NLGN1: variants seen among roughly 807,000 people sequenced by gnomAD.
The protein encoded by NLGN1 is neuroligin-1.
In NLGN1, 12 loss-of-function variants were observed where a neutral mutation model predicts 65.5. That is an observed-to-expected ratio of 0.18 (90% CI 0.12 to 0.30). NLGN1 has a LOEUF of 0.30. NLGN1 is among the 10% of genes least tolerant of loss of function. NLGN1 has a pLI of 1.00. For synonymous variants in NLGN1, 350 were observed against 359.5 expected (o/e 0.97, Z 0.30); for missense variants, 750 against 1,007.1 (o/e 0.74, Z 3.46).
At chr3:173,942,240 T>C (rs1169367416) in intron 4 of NLGN1, among the ~76,000 whole-genome samples, 2 of 151,944 alleles carry the variant, frequency 1.3e-5, no homozygotes, top group African/African-American at 4.8e-5. Context: ...ATTCTGGGCA[T>C]CTTATAATAA....
chr3:174,101,260 C>T (rs1282940825), intron 4 of NLGN1, among the ~76,000 whole-genome samples: 5 of 152,064 alleles, frequency 3.3e-5, no homozygotes, highest in Admixed American at 2.0e-4. Flanking sequence ...TTACTTCGGA[C>T]GAGGATTCAT....
chr3:173,641,850 CTGT>C (rs1757465652), intron 3 of NLGN1, among the ~76,000 whole-genome samples: 1 of 152,112 alleles, frequency 6.6e-6, no homozygotes, highest in South Asian at 2.1e-4. Flanking sequence ...CAGCTATGCT[CTGT>C]TGTTTACATA....
At chr3:173,502,647 A>T (rs1731337078) in intron 2 of NLGN1, among the ~76,000 whole-genome samples, 1 of 152,166 alleles carries the variant, frequency 6.6e-6, no homozygotes, top group African/African-American at 2.4e-5. Flanking sequence ...AATACTTGTT[A>T]TATGAAATTA....
intron 4 of NLGN1, among the ~76,000 whole-genome samples, chr3:174,079,816 A>T (rs1178647901): frequency 1.3e-5 from 2 of 152,168 alleles, no homozygotes; most frequent in Non-Finnish European, 2.9e-5. Context: ...GTTCTCACTT[A>T]TAAGTGGCAG....
intron 3 of NLGN1, among the ~76,000 whole-genome samples, chr3:173,702,389 G>A (rs1198602348): frequency 7.0e-6 from 1 of 143,286 alleles, no homozygotes; most frequent in Non-Finnish European, 1.5e-5. Flanking sequence ...GATCTGTAGT[G>A]AATCAATGAG....
chr3:173,658,102 G>GC (rs1320343672), intron 3 of NLGN1, among the ~76,000 whole-genome samples: 1 of 151,904 alleles, frequency 6.6e-6, no homozygotes, highest in East Asian at 1.9e-4. Flanking sequence ...AATTTAACAG[G>GC]CATGGTGACA....
chr3:173,482,562 A>G (rs1340855170), intron 2 of NLGN1, among the ~76,000 whole-genome samples: 2 of 151,840 alleles, frequency 1.3e-5, no homozygotes, highest in Non-Finnish European at 2.9e-5. Context: ...TTCAATTTAA[A>G]AATTTGCTAA....
intron 4 of NLGN1, among the ~76,000 whole-genome samples, chr3:174,080,098 T>C (rs532350083): frequency 1.1e-3 from 162 of 152,296 alleles, no homozygotes; most frequent in Admixed American, 2.1e-3. Flanking sequence ...TCTCCACATA[T>C]TACATTTGAT....
chr3:173,497,652 A>G (rs549296520), intron 2 of NLGN1, among the ~76,000 whole-genome samples: 1 of 151,806 alleles, frequency 6.6e-6, no homozygotes, highest in Non-Finnish European at 1.5e-5. Context: ...CAATTCCTGC[A>G]TTTGGAAAAA....
At chr3:173,446,907 G>A (rs1720464916) in intron 2 of NLGN1, among the ~76,000 whole-genome samples, 1 of 152,050 alleles carries the variant, frequency 6.6e-6, no homozygotes, top group Non-Finnish European at 1.5e-5. Context: ...TTTTTGATGG[G>A]GTTGTTTGTT....
At chr3:174,225,129 T>C (rs536281136) in intron 4 of NLGN1, among the ~76,000 whole-genome samples, 1 of 152,334 alleles carries the variant, frequency 6.6e-6, no homozygotes, top group African/African-American at 2.4e-5. Flanking sequence ...AAGACTGAGA[T>C]ATTAGTCACA....
intron 4 of NLGN1, among the ~76,000 whole-genome samples, chr3:173,828,342 G>T (rs896131863): frequency 6.6e-6 from 1 of 152,008 alleles, no homozygotes; most frequent in Non-Finnish European, 1.5e-5. Flanking sequence ...AAACTAGGAG[G>T]TCTAAAACAC....
At chr3:174,001,274 G>A (rs1424004350) in intron 4 of NLGN1, among the ~76,000 whole-genome samples, 1 of 152,006 alleles carries the variant, frequency 6.6e-6, no homozygotes, top group Non-Finnish European at 1.5e-5. Context: ...AACACTGAGA[G>A]GGTCAGCGAG....
chr3:173,637,052 T>C (rs1756707270), intron 3 of NLGN1, among the ~76,000 whole-genome samples: 1 of 152,158 alleles, frequency 6.6e-6, no homozygotes, highest in African/African-American at 2.4e-5. Flanking sequence ...GTTAGTCTTA[T>C]AGTGAATAAG....
At chr3:173,948,772 T>C (rs1368272598) in intron 4 of NLGN1, among the ~76,000 whole-genome samples, 1 of 152,232 alleles carries the variant, frequency 6.6e-6, no homozygotes, top group Non-Finnish European at 1.5e-5. Flanking sequence ...ACATTAATGC[T>C]TTCCTTCCTG....
chr3:173,897,023 C>T (rs534604320), intron 4 of NLGN1, among the ~76,000 whole-genome samples: 4 of 152,170 alleles, frequency 2.6e-5, no homozygotes, highest in Admixed American at 6.6e-5. Context: ...AACCTGTTTC[C>T]GGGGTCCCAA....
At chr3:173,655,398 A>G (rs1382428278) in intron 3 of NLGN1, among the ~76,000 whole-genome samples, 1 of 152,084 alleles carries the variant, frequency 6.6e-6, no homozygotes, top group African/African-American at 2.4e-5. Context: ...TTATGTACAC[A>G]TTTTAGTACA....
At chr3:174,126,607 C>T (rs1443409652) in intron 4 of NLGN1, among the ~76,000 whole-genome samples, 1 of 152,022 alleles carries the variant, frequency 6.6e-6, no homozygotes, top group Non-Finnish European at 1.5e-5. Context: ...GTTTAGGAGT[C>T]AATTCACTCT....
chr3:173,498,324 G>A (rs1259733512), intron 2 of NLGN1, among the ~76,000 whole-genome samples: 1 of 151,314 alleles, frequency 6.6e-6, no homozygotes, highest in African/African-American at 2.4e-5. Flanking sequence ...TTGTCCTTGT[G>A]ATAGTTTGCT....
Sources: allele counts gnomAD v4.1 joint callset (sites outside exome capture counted in the v4.1 genomes callset), GRCh38; gene constraint gnomAD v4.1.1; transcripts MANE v1.5; gene names NCBI Gene and HGNC (gene_info 2026-07-23, HGNC 2026-07-21).